SEPHS1: variants seen among roughly 807,000 people sequenced by gnomAD.
The protein encoded by SEPHS1 is zincore component SEPHS1.
SEPHS1 carries 7 observed loss-of-function variants against 39.2 expected under a neutral mutation model. The observed-to-expected ratio is 0.18, with a 90% CI of 0.10 to 0.34. SEPHS1 has a LOEUF of 0.34. SEPHS1 is among the 10% of genes least tolerant of loss of function. The probability of loss-of-function intolerance (pLI) is 1.00; values close to 1 mark genes in which losing one functional copy is unlikely to be tolerated. For synonymous variants in SEPHS1, 190 were observed against 195.5 expected, an observed-to-expected ratio of 0.97 and a Z score of 0.23; for missense variants, 253 against 514.5, an observed-to-expected ratio of 0.49 and a Z score of 4.92.
At chr10:13,336,108 G>A (rs535831249) in intron 4 of SEPHS1, 135 bp downstream of exon 4, 45 of 552,640 alleles carry the variant, frequency 8.1e-5, no homozygotes, top group African/African-American at 7.8e-4. Flanking sequence ...GCCAAAAAGT[G>A]GAGAGCCAGA....
intron 4 of SEPHS1, among the ~76,000 whole-genome samples, chr10:13,335,141 T>C (rs1348455071): frequency 1.3e-5 from 2 of 152,158 alleles, no homozygotes; most frequent in East Asian, 1.9e-4. Context: ...TCTATCTAAA[T>C]AGGAATTCAT....
chr10:13,334,030 G>C (rs1363100101), intron 4 of SEPHS1, 59 bp from the exon 5 acceptor site: 3 of 1,476,022 alleles, frequency 2.0e-6, no homozygotes, highest in Non-Finnish European at 2.8e-6. Context: ...ACCCAGAAAA[G>C]AAGGTTTTTA....
intron 8 of SEPHS1, among the ~76,000 whole-genome samples, chr10:13,321,722 C>T (rs1244811890): frequency 6.6e-6 from 1 of 152,200 alleles, no homozygotes; most frequent in African/African-American, 2.4e-5. Context: ...GGAGGACGCG[C>T]CATCTGGCTC....
At chr10:13,328,475 G>A (rs1160563772) in intron 6 of SEPHS1, 25 bp from the exon 7 acceptor site, 5 of 1,458,430 alleles carry the variant, frequency 3.4e-6, no homozygotes, top group East Asian at 2.3e-5. Context: ...GTAGGTGAGG[G>A]AGAGAAAGAG....
rs1261896632 is a variant in SEPHS1 at position 13,318,452 on chromosome 10, TTGC to T, written c.*687_*689del. 1 of 152,656 alleles carries T rather than the reference TTGC, an allele frequency of 6.6e-6. No individual in the cohort carries two copies. The highest frequency in any genetic ancestry group is 1.9e-4 in the East Asian group (1 of 5,200). 9.5% of individuals were successfully genotyped at this position (152,656 alleles called of 1,614,324 possible). ...ATAACATTGCAAAAAGTATCCTTTT[TTGC>T]TATCGATAAAACAGTTAATGGTATT... On this transcript the variant is annotated 3_prime_UTR_variant, in exon 9 of 9. Transcript: ENST00000327347.
intron 1 of SEPHS1, chr10:13,347,156 C>T (rs1833945411): frequency 6.6e-6 from 1 of 151,102 alleles, no homozygotes; most frequent in Non-Finnish European, 1.5e-5. Context: ...ACGTTTAGCC[C>T]TTTCCTTCCC....
chr10:13,330,592 C>T (rs1239718056), intron 5 of SEPHS1, among the ~76,000 whole-genome samples: 2 of 152,174 alleles, frequency 1.3e-5, no homozygotes, highest in Non-Finnish European at 2.9e-5. Flanking sequence ...TGAATCGTTC[C>T]ATTCCCCGAT....
intron 1 of SEPHS1, 42 bp downstream of exon 1, chr10:13,347,958 T>C (rs1833984322): frequency 6.8e-6 from 1 of 146,560 alleles, no homozygotes; most frequent in African/African-American, 2.5e-5. Flanking sequence ...CAGATTCCCC[T>C]TTAAGCCTGC....
At position 13,319,303 on chromosome 10, in the gene SEPHS1, T is replaced by A. The variant is rs765968705; in HGVS notation, c.1018A>T (p.Ile340Leu). ...REQAARFCAE[I>L]KSPKYGEGHQ... ...CCTTCACCATATTTGGGGGACTTTA[T>A]CTCTGCACAGAACCGAGCTGCTTGC... Residue 340 changes from isoleucine to leucine, a missense_variant, in exon 9 of 9, where the codon ATA becomes TTA. This residue lies in a region of SEPHS1 where 107 missense variants were observed against 257.1 expected (regional missense o/e 0.42). Coordinates refer to ENST00000327347, the MANE Select transcript of SEPHS1 (RefSeq NM_012247.5). 1 of 1,613,856 alleles carries A rather than the reference T, an allele frequency of 6.2e-7. No individual in the cohort carries two copies. Among genetic ancestry groups the A allele is most frequent in the South Asian group, 1.1e-5 (1 of 91,006 alleles).
intron 3 of SEPHS1, 38 bp downstream of exon 3, chr10:13,338,667 G>C: frequency 6.6e-7 from 1 of 1,504,468 alleles, no homozygotes; most frequent in Non-Finnish European, 9.3e-7. Flanking sequence ...AAACAAATAA[G>C]CCCTTCCAGT....
At chr10:13,337,951 C>T (rs1833685870) in intron 3 of SEPHS1, among the ~76,000 whole-genome samples, 1 of 152,204 alleles carries the variant, frequency 6.6e-6, no homozygotes, top group African/African-American at 2.4e-5. Context: ...CTGTCCTTGC[C>T]ACACACGAAG....
intron 7 of SEPHS1, among the ~76,000 whole-genome samples, chr10:13,327,344 A>C (rs1340154800): frequency 6.6e-6 from 1 of 151,980 alleles, no homozygotes. Context: ...TACATATACT[A>C]ACCATTACAT....
At chr10:13,321,532 CATGTGT>C (rs945237954) in intron 8 of SEPHS1, among the ~76,000 whole-genome samples, 7 of 152,006 alleles carry the variant, frequency 4.6e-5, no homozygotes, top group African/African-American at 1.7e-4. Context: ...GCCTGGCCGG[CATGTGT>C]ATATTTAAAA....
chr10:13,321,881 A>C (rs1403069142), intron 8 of SEPHS1, among the ~76,000 whole-genome samples: 1 of 152,120 alleles, frequency 6.6e-6, no homozygotes, highest in Non-Finnish European at 1.5e-5. Context: ...CCACCAAATT[A>C]ATCAGGAAAC....
intron 7 of SEPHS1, among the ~76,000 whole-genome samples, chr10:13,326,199 G>A (rs1048163133): frequency 1.3e-5 from 2 of 152,068 alleles, no homozygotes; most frequent in African/African-American, 4.8e-5. Flanking sequence ...GACTAGGCCA[G>A]GTGCAGTGGC....
intron 8 of SEPHS1, among the ~76,000 whole-genome samples, chr10:13,320,156 T>G (rs1833060380): frequency 6.6e-6 from 1 of 152,164 alleles, no homozygotes; most frequent in Non-Finnish European, 1.5e-5. Context: ...AAAATAAACC[T>G]TTGTTGCTCT....
In SEPHS1 at chr10:13,317,670, A is replaced by C. The variant is rs1402024860; in HGVS notation, c.*1472T>G. 1 of 152,186 alleles carries C rather than the reference A, an allele frequency of 6.6e-6. No individual in the cohort carries two copies. Among genetic ancestry groups the C allele is most frequent in the African/African-American group, 2.4e-5 (1 of 41,430 alleles). The allele number at this position is 152,186 out of a possible 1,614,324, so 9.4% of individuals were successfully genotyped here. A position where few individuals can be genotyped will look rare whatever the true frequency, so the allele number is the denominator to read the frequency against. Reference sequence around the variant, plus strand: ...AGTTAAAGCCTCTTCCAGGAGCTTGAACTTCCCAGGGGTCATTTCCTTTGG... The same window carrying C: ...AGTTAAAGCCTCTTCCAGGAGCTTGCACTTCCCAGGGGTCATTTCCTTTGG... On this transcript the variant is annotated 3_prime_UTR_variant, in exon 9 of 9. Coordinates refer to ENST00000327347, the MANE Select transcript of SEPHS1 (RefSeq NM_012247.5).
rs929281748 is a variant in SEPHS1 at position 13,347,367 on chromosome 10, T to TTCGGGC, written c.-79+627_-79+632dup. The TTCGGGC allele has an allele frequency of 5.9e-5, 9 of 151,692 alleles. No homozygotes were observed. The East Asian group carries it at 7.8e-4, about 13-fold the overall frequency. The allele number at this position is 151,692 out of a possible 1,614,324, so 9.4% of individuals were successfully genotyped here. A position where few individuals can be genotyped will look rare whatever the true frequency, so the allele number is the denominator to read the frequency against. ...GGGGAGCAAGGAACCCGGGGACACC[T>TTCGGGC]TCGGGCTCAGGCTCAGGCTCAGGCC... On this transcript the variant is annotated intron_variant, in intron 1 of 8. Coordinates refer to ENST00000327347, the MANE Select transcript of SEPHS1 (RefSeq NM_012247.5).
At chr10:13,342,358 A>C (rs1388265071) in intron 2 of SEPHS1, among the ~76,000 whole-genome samples, 1 of 152,030 alleles carries the variant, frequency 6.6e-6, no homozygotes, top group Non-Finnish European at 1.5e-5. Context: ...AGGTGGGTGG[A>C]TAACCTGAGC....
Sources: gnomAD v4.1 joint callset for allele counts (sites outside exome capture counted in the v4.1 genomes callset) on GRCh38, gnomAD v4.1.1 for gene constraint, gnomAD v4.1.1 regional missense constraint, MANE v1.5 for transcripts, NCBI Gene and HGNC (gene_info 2026-07-23, HGNC 2026-07-21) for gene names.